SLC12A8: variants seen among roughly 807,000 people sequenced by gnomAD.
The protein encoded by SLC12A8 is solute carrier family 12 member 8.
In SLC12A8, 69 loss-of-function variants were observed where a neutral mutation model predicts 75.6. That is an observed-to-expected ratio of 0.91 (90% CI 0.75 to 1.11). SLC12A8 has a LOEUF of 1.11. Ranked by LOEUF, SLC12A8 falls within the 50% of genes most tolerant of loss-of-function variation. SLC12A8 has a pLI of 0.00. For synonymous variants in SLC12A8, 365 were observed against 372.8 expected (o/e 0.98, Z 0.24); for missense variants, 877 against 896.7 (o/e 0.98, Z 0.28).
chr3:125,192,096 T>G (rs1309710438), intron 2 of SLC12A8, among the ~76,000 whole-genome samples: 2 of 151,988 alleles, frequency 1.3e-5, no homozygotes, highest in South Asian at 4.1e-4. Flanking sequence ...GGTCCCAACT[T>G]CCTGTCTCTG....
intron 13 of SLC12A8, among the ~76,000 whole-genome samples, chr3:125,085,231 T>C (rs1938428434): frequency 6.6e-6 from 1 of 152,266 alleles, no homozygotes; most frequent in Admixed American, 6.5e-5. Context: ...TTTTTGCTAA[T>C]GCTTTTGTTT....
chr3:125,108,035 G>T lies in SLC12A8; in HGVS notation c.1151C>A (p.Ala384Asp). ...CATGAAGTTGATGGTGACGATGGGG[G>T]CCAGAACGTTCACTTGACCCACAAA... The part of the protein sequence containing the change: ...FVFVGQVNVL[A>D]PIVTINFMLT... Residue 384 changes from alanine (A) to aspartate (D), a missense_variant, in exon 10 of 14, where the codon GCC (alanine) becomes GAC (aspartate). Coordinates refer to ENST00000469902, the MANE Select transcript of SLC12A8 (RefSeq NM_024628.6). 6.2e-7 allele frequency: 1 copy of T among 1,614,144 alleles called. No individual in the cohort carries two copies.
At chr3:125,128,177 ATTTTTAT>A (rs1933256304) in intron 6 of SLC12A8, among the ~76,000 whole-genome samples, 2 of 98,314 alleles carry the variant, frequency 2.0e-5, no homozygotes, top group South Asian at 6.6e-4. Context: ...GCCTAAGCTT[ATTTTTAT>A]TTTTTTTTTT....
intron 5 of SLC12A8, among the ~76,000 whole-genome samples, chr3:125,177,532 G>A (rs1234892721): frequency 6.6e-6 from 1 of 151,948 alleles, no homozygotes; most frequent in Non-Finnish European, 1.5e-5. Context: ...CATAGAAAAT[G>A]TGCTAGGCGA....
intron 5 of SLC12A8, among the ~76,000 whole-genome samples, chr3:125,155,621 A>AGCCGGGTGTG (rs1934030509): frequency 8.3e-6 from 1 of 120,710 alleles, no homozygotes. Context: ...AATACAAAAA[A>AGCCGGGTGTG]GTAGCTGTAG....
In SLC12A8 at chr3:125,187,440, T is replaced by C. The variant is rs370141988; in HGVS notation, c.199-12A>G. The C allele has an allele frequency of 1.9e-6, 3 of 1,612,754 alleles. No individual in the cohort carries two copies. Among genetic ancestry groups the C allele is most frequent in the African/African-American group, 2.7e-5 (2 of 74,858 alleles). ...ACTCCTGTGTTTCCCTGCAGCAGAA[T>C]AGCAAGGAGCAAGGTTGGATTAGGT... is the stretch of plus-strand genomic sequence containing the variant. On this transcript the variant is annotated splice_polypyrimidine_tract_variant and intron_variant, in intron 3 of 13. Transcript: ENST00000469902.
intron 6 of SLC12A8, among the ~76,000 whole-genome samples, chr3:125,134,839 A>G (rs1933449306): frequency 6.6e-6 from 1 of 152,224 alleles, no homozygotes; most frequent in African/African-American, 2.4e-5. Context: ...AGGAGGGCAG[A>G]GGGAAAGGAG....
intron 9 of SLC12A8, 23 bp downstream of exon 9, chr3:125,110,166 A>G (rs1323269928): frequency 6.3e-7 from 1 of 1,598,756 alleles, no homozygotes; most frequent in Admixed American, 1.7e-5. Flanking sequence ...CAAAAAACAA[A>G]CCAAAAAAAG....
At chr3:125,087,348 C>T (rs1357437034) in intron 13 of SLC12A8, among the ~76,000 whole-genome samples, 1 of 152,104 alleles carries the variant, frequency 6.6e-6, no homozygotes, top group South Asian at 2.1e-4. Context: ...CCACCTTGGC[C>T]TCCCAAAGTG....
chr3:125,205,197 C>G (rs542192490), intron 2 of SLC12A8, among the ~76,000 whole-genome samples: 1 of 152,300 alleles, frequency 6.6e-6, no homozygotes, highest in South Asian at 2.1e-4. Flanking sequence ...CCCAATAAAC[C>G]CTCACTCCTG....
rs12632626 is a variant in SLC12A8 at position 125,135,351 on chromosome 3, T to C, written c.736+318A>G. Among the ~76,000 whole-genome samples the C allele has an allele frequency of 2.7e-3, 412 of 152,312 alleles. 14 individuals carry two copies. The South Asian group carries it at 0.041, about 15-fold the overall frequency. On this transcript the variant is annotated intron_variant, in intron 6 of 13. Transcript: ENST00000469902. ...CCCTATGAGATATGTATCCTTTCTATGAACAAAAGGTGTCAATGTATAAGG... is the reference window on the plus strand; with the variant it reads ...CCCTATGAGATATGTATCCTTTCTACGAACAAAAGGTGTCAATGTATAAGG...
chr3:125,147,991 T>C (rs570569068), intron 5 of SLC12A8, among the ~76,000 whole-genome samples: 6 of 152,320 alleles, frequency 3.9e-5, no homozygotes, highest in Admixed American at 3.3e-4. Flanking sequence ...TTTTATGCTT[T>C]GGCAACCTAG....
rs1245293634 is a variant in SLC12A8 at position 125,190,468 on chromosome 3, C to T, written c.105G>A (p.Glu35=). Residue 35 remains glutamate (E), a synonymous_variant, in exon 3 of 14, where the codon GAG becomes GAA. Transcript: ENST00000469902. ...CATCCCAGGTCCCAAACAGCACAGGCTCCCACATGAACAGCTGGGTCTTCC... is the reference window on the plus strand; with the variant it reads ...CATCCCAGGTCCCAAACAGCACAGGTTCCCACATGAACAGCTGGGTCTTCC... The part of the protein sequence containing the change: ...PWWKTQLFMW[E]PVLFGTWDGV... 7 of 1,614,228 alleles carry T rather than the reference C, an allele frequency of 4.3e-6. No homozygotes were observed. Among genetic ancestry groups the T allele is most frequent in the Non-Finnish European group, 5.1e-6 (6 of 1,180,034 alleles).
At chr3:125,128,025 T>C (rs546672) in intron 6 of SLC12A8, among the ~76,000 whole-genome samples, 146,192 of 151,838 alleles carry the variant, frequency 0.96, 70,591 homozygotes, top group East Asian at 1. Flanking sequence ...TACAGGCATG[T>C]ACCATGCTTG....
intron 6 of SLC12A8, among the ~76,000 whole-genome samples, chr3:125,133,043 A>C (rs944050657): frequency 1.3e-5 from 2 of 152,212 alleles, no homozygotes; most frequent in Non-Finnish European, 2.9e-5. Flanking sequence ...GAGCCATGTC[A>C]TTGCAGAGAC....
At chr3:125,136,316 C>A (rs1282907292) in intron 5 of SLC12A8, among the ~76,000 whole-genome samples, 1 of 152,190 alleles carries the variant, frequency 6.6e-6, no homozygotes, top group Non-Finnish European at 1.5e-5. Flanking sequence ...ACCCACCCCC[C>A]TGCCTTCGTT....
intron 4 of SLC12A8, among the ~76,000 whole-genome samples, chr3:125,179,280 G>A (rs1934602284): frequency 6.6e-6 from 1 of 152,042 alleles, no homozygotes; most frequent in African/African-American, 2.4e-5. Flanking sequence ...ATCATGTCAT[G>A]AACGTAAGTT....
intron 13 of SLC12A8, among the ~76,000 whole-genome samples, chr3:125,085,665 C>T (rs1455398470): frequency 6.6e-6 from 1 of 152,194 alleles, no homozygotes; most frequent in Admixed American, 6.5e-5. Flanking sequence ...CAACCTCTGC[C>T]TCCCAGGTTC....
chr3:125,110,382 T>G, intron 8 of SLC12A8, 47 bp from the exon 9 acceptor site: 1 of 1,589,940 alleles, frequency 6.3e-7, no homozygotes, highest in Non-Finnish European at 8.6e-7. Flanking sequence ...CCTGCTCCTG[T>G]GCCTTTCTAC....
Sources: allele counts gnomAD v4.1 joint callset (sites outside exome capture counted in the v4.1 genomes callset), GRCh38; gene constraint gnomAD v4.1.1; transcripts MANE v1.5; gene names NCBI Gene and HGNC (gene_info 2026-07-23, HGNC 2026-07-21).